The following CACNA2D1 variants were observed in gnomAD, a reference collection of about 807,000 sequenced individuals.
CACNA2D1 encodes voltage-dependent calcium channel subunit alpha-2/delta-1.
In CACNA2D1, 53 loss-of-function variants were observed where a neutral mutation model predicts 171.5. That is an observed-to-expected ratio of 0.31 (90% CI 0.25 to 0.39). CACNA2D1 has a LOEUF of 0.39. Among genes scored for constraint, CACNA2D1 ranks in the 10% least tolerant of loss-of-function variants. The pLI is 1.00. For synonymous variants in CACNA2D1, 442 were observed against 443.1 expected (o/e 1.00, Z 0.03); for missense variants, 903 against 1,299.8 (o/e 0.69, Z 4.69).
At chr7:82,024,212 C>A (rs1429887804) in intron 12 of CACNA2D1, among the ~76,000 whole-genome samples, 1 of 151,112 alleles carries the variant, frequency 6.6e-6, no homozygotes, top group South Asian at 2.1e-4. Flanking sequence ...ATTTTTAATT[C>A]TTTGAGGGAC....
chr7:82,028,425 C>G (rs2131103799), intron 12 of CACNA2D1: 1 of 151,934 alleles, frequency 6.6e-6, no homozygotes, highest in East Asian at 1.9e-4. Context: ...TTCATGCCTG[C>G]TAACACAACT....
chr7:82,364,870 C>G (rs137873680), intron 1 of CACNA2D1, among the ~76,000 whole-genome samples: 9 of 152,094 alleles, frequency 5.9e-5, no homozygotes, highest in Non-Finnish European at 1.2e-4. Flanking sequence ...AGGATTAATG[C>G]AAGAGACTCT....
intron 1 of CACNA2D1, among the ~76,000 whole-genome samples, chr7:82,406,361 A>C (rs1254970710): frequency 1.3e-5 from 2 of 152,202 alleles, no homozygotes; most frequent in Non-Finnish European, 2.9e-5. Context: ...ATACATGTGC[A>C]TGTGTCTTTA....
At chr7:82,305,758 G>A (rs1015906392) in intron 3 of CACNA2D1, among the ~76,000 whole-genome samples, 1 of 151,718 alleles carries the variant, frequency 6.6e-6, no homozygotes, top group Non-Finnish European at 1.5e-5. Context: ...TTTGCTTTTC[G>A]TCAGTTGATT....
chr7:82,185,752 G>A (rs1023105247), intron 3 of CACNA2D1, among the ~76,000 whole-genome samples: 2 of 152,070 alleles, frequency 1.3e-5, no homozygotes, highest in Admixed American at 1.3e-4. Context: ...AAGAGCAGAT[G>A]AGATGTTCTT....
At chr7:82,397,537 A>G (rs923959523) in intron 1 of CACNA2D1, among the ~76,000 whole-genome samples, 1 of 152,202 alleles carries the variant, frequency 6.6e-6, no homozygotes, top group Non-Finnish European at 1.5e-5. Flanking sequence ...AAAATACAGA[A>G]GTCTATGCTG....
chr7:82,356,390 C>T (rs560899592), intron 1 of CACNA2D1, among the ~76,000 whole-genome samples: 11 of 152,078 alleles, frequency 7.2e-5, no homozygotes, highest in African/African-American at 2.4e-4. Flanking sequence ...ACTTCCATCG[C>T]GAATGGATAA....
At chr7:82,269,870 A>G (rs1808387179) in intron 3 of CACNA2D1, among the ~76,000 whole-genome samples, 2 of 152,190 alleles carry the variant, frequency 1.3e-5, no homozygotes, top group African/African-American at 4.8e-5. Context: ...CAGTAGATGA[A>G]CAATGTTACC....
At chr7:82,265,204 TC>T (rs1807669910) in intron 3 of CACNA2D1, among the ~76,000 whole-genome samples, 1 of 152,164 alleles carries the variant, frequency 6.6e-6, no homozygotes, top group Non-Finnish European at 1.5e-5. Flanking sequence ...CCTAAAAACA[TC>T]TTTTAATTGC....
At chr7:81,983,282 A>ACT in intron 23 of CACNA2D1, 32 bp downstream of exon 23, 1 of 1,577,338 alleles carries the variant, frequency 6.3e-7, no homozygotes, top group Non-Finnish European at 8.7e-7. Context: ...TGTACTAAAC[A>ACT]GAAAGAAGTT....
In CACNA2D1 at chr7:81,976,818, C is replaced by T. The variant is rs114897354; in HGVS notation, c.1956-2266G>A. On this transcript the variant is annotated intron_variant, in intron 24 of 38. Transcript: ENST00000356860. ...GCAGCGAGCAGAGATCATGCCATTACACTCCAGCCTGAGAAACAAAAGCGA... is the reference window on the plus strand; with the variant it reads ...GCAGCGAGCAGAGATCATGCCATTATACTCCAGCCTGAGAAACAAAAGCGA... Among the ~76,000 whole-genome samples, 968 of 152,268 alleles carry T rather than the reference C, an allele frequency of 6.4e-3. 11 individuals are homozygous for T. The highest frequency in any genetic ancestry group is 0.022 in the African/African-American group (920 of 41,558).
chr7:82,410,523 G>A, intron 1 of CACNA2D1: 2 of 985,396 alleles, frequency 2.0e-6, no homozygotes, highest in Non-Finnish European at 2.4e-6. Flanking sequence ...TCAGTGGTCT[G>A]AAGGTGCACG....
chr7:82,111,391 TA>T (rs1788388667), intron 6 of CACNA2D1, among the ~76,000 whole-genome samples: 2 of 134,668 alleles, frequency 1.5e-5, no homozygotes, highest in East Asian at 2.2e-4. Context: ...TATGTGTATA[TA>T]TGTATATATA....
intron 25 of CACNA2D1, among the ~76,000 whole-genome samples, chr7:81,973,159 A>G (rs1795467627): frequency 6.6e-6 from 1 of 152,078 alleles, no homozygotes; most frequent in South Asian, 2.1e-4. Context: ...AGAGTGTTTC[A>G]TAATTTTGGT....
chr7:82,025,900 T>C (rs1252100621), intron 12 of CACNA2D1, among the ~76,000 whole-genome samples: 1 of 151,740 alleles, frequency 6.6e-6, no homozygotes, highest in Non-Finnish European at 1.5e-5. Context: ...TCTAGTATTA[T>C]TGTATTGCTG....
chr7:82,431,615 G>T (rs769701280), intron 1 of CACNA2D1, among the ~76,000 whole-genome samples: 2 of 152,136 alleles, frequency 1.3e-5, no homozygotes, highest in Non-Finnish European at 2.9e-5. Flanking sequence ...GAATTGAGCT[G>T]CTTGAGATCA....
intron 5 of CACNA2D1, among the ~76,000 whole-genome samples, chr7:82,121,134 C>A (rs545282416): frequency 2.0e-5 from 3 of 152,228 alleles, no homozygotes; most frequent in East Asian, 1.9e-4. Context: ...TCATGGCTCA[C>A]TACACCCTTG....
chr7:82,398,372 A>G (rs10226769), intron 1 of CACNA2D1, among the ~76,000 whole-genome samples: 108,731 of 152,032 alleles, frequency 0.72, 39,882 homozygotes, highest in East Asian at 0.89. Context: ...GAATTCTCAA[A>G]TCAGAAAAAA....
Position 82,443,369 on chromosome 7 carries a change from C to G in CACNA2D1, c.91G>C (p.Val31Leu). Residue 31 changes from valine to leucine, a missense_variant, in exon 1 of 39, where the codon GTC becomes CTC. Val to Leu is a conservative substitution (Grantham distance 32). Around this residue, in one of 5 missense-constraint regions of CACNA2D1, gnomAD observed 189 missense variants for 266.8 expected, o/e 0.71. Coordinates refer to ENST00000356860, the MANE Select transcript of CACNA2D1 (RefSeq NM_000722.4). The part of the protein sequence containing the change: ...PSSEEPFPSA[V>L]TIKSWVDKMQ... Reference sequence around the variant, plus strand: ...CTGCCCGGCCCGCCGACTTACGTGACGGCCGAAGGGAACGGCTCCTCCGAC... The same window carrying G: ...CTGCCCGGCCCGCCGACTTACGTGAGGGCCGAAGGGAACGGCTCCTCCGAC... The G allele has an allele frequency of 1.9e-6, 3 of 1,602,152 alleles. No homozygotes were observed. The East Asian group carries it at 6.8e-5, about 36-fold the overall frequency.
Sources: gnomAD v4.1 joint callset for allele counts (sites outside exome capture counted in the v4.1 genomes callset) on GRCh38, gnomAD v4.1.1 for gene constraint, gnomAD v4.1.1 regional missense constraint, MANE v1.5 for transcripts, NCBI Gene and HGNC (gene_info 2026-07-23, HGNC 2026-07-21) for gene names.